Variants in NAV2 observed in about 807,000 individuals in gnomAD.
NAV2 encodes neuron navigator 2.
A neutral mutation model predicts 223.2 loss-of-function variants in NAV2; 54 were observed. The observed-to-expected ratio is 0.24, with a 90% confidence interval of 0.19 to 0.30. NAV2 has a LOEUF of 0.30. Ranked by LOEUF, NAV2 falls within the 10% of genes least tolerant of loss-of-function variation. The probability of loss-of-function intolerance (pLI) is 1.00; values close to 1 mark genes in which losing one functional copy is unlikely to be tolerated. For missense variants in NAV2, 2,806 were observed against 3,147.5 expected (o/e 0.89, Z 2.60); for synonymous variants, 1,279 against 1,239.3 (o/e 1.03, Z -0.67).
chr11:19,995,176 C>T (rs1378917122), intron 11 of NAV2, among the ~76,000 whole-genome samples: 2 of 152,192 alleles, frequency 1.3e-5, no homozygotes, highest in East Asian at 1.9e-4. Context: ...GTGTGGTCAG[C>T]CCAGCTGATC....
At chr11:19,477,583 C>T (rs1328419698) in intron 1 of NAV2, among the ~76,000 whole-genome samples, 3 of 152,136 alleles carry the variant, frequency 2.0e-5, no homozygotes, top group Non-Finnish European at 4.4e-5. Context: ...TTTCTCATCT[C>T]TAAAATGGAG....
In NAV2 at chr11:20,077,611, T is replaced by C; in HGVS notation, c.5043T>C (p.Ser1681=). 6.2e-7 allele frequency: 1 copy of C among 1,614,010 alleles called. No homozygotes were observed. Among genetic ancestry groups the C allele is most frequent in the South Asian group, 1.1e-5 (1 of 91,072 alleles). The change falls in exon 23 of 38, where the codon AGT becomes AGC. Residue 1681 remains serine (S), a synonymous_variant. Transcript: ENST00000349880. ...GTAACATGACAATCAGGCTCCAGAG[T>C]CTGACCATGACAGCTGAGCAGAAGG... ...SLGNMTIRLQ[S]LTMTAEQKDS... is the part of the protein sequence containing the mutation.
chr11:19,477,142 A>G (rs903033961), intron 1 of NAV2, among the ~76,000 whole-genome samples: 14 of 152,262 alleles, frequency 9.2e-5, no homozygotes, highest in African/African-American at 3.4e-4. Flanking sequence ...ACCCTTCCCA[A>G]GGTAAAGTCA....
intron 26 of NAV2, among the ~76,000 whole-genome samples, chr11:20,087,938 A>G (rs1439954888): frequency 1.3e-5 from 2 of 152,190 alleles, no homozygotes. Context: ...TTGTTTAGGT[A>G]TTCCATAAGC....
At chr11:19,970,416 G>A (rs951322653) in intron 10 of NAV2, among the ~76,000 whole-genome samples, 11 of 152,188 alleles carry the variant, frequency 7.2e-5, no homozygotes, top group Admixed American at 5.2e-4. Flanking sequence ...GGATCCATTT[G>A]CCTCAGCCTC....
At position 20,081,973 on chromosome 11, in the gene NAV2, G is replaced by T. The variant is rs192455658; in HGVS notation, c.5326-1034G>T. On this transcript the variant is annotated intron_variant, in intron 25 of 37. Transcript: ENST00000349880. ...GGTATCCATTTCCTGCAACAGAGGC[G>T]GGGGGGAAAGAATTTTCAGATCCAT... Among the ~76,000 whole-genome samples the T allele has an allele frequency of 9.3e-3, 1,418 of 151,832 alleles. 11 individuals are homozygous for T. The highest frequency in any genetic ancestry group is 0.014 in the Non-Finnish European group (952 of 67,930).
chr11:20,071,459 C>T (rs1418133252), intron 22 of NAV2, among the ~76,000 whole-genome samples: 1 of 152,100 alleles, frequency 6.6e-6, no homozygotes, highest in Non-Finnish European at 1.5e-5. Context: ...GATTTATAAT[C>T]CTTTGGGGGT....
At chr11:19,794,288 C>T (rs1195303410) in intron 1 of NAV2, among the ~76,000 whole-genome samples, 1 of 152,196 alleles carries the variant, frequency 6.6e-6, no homozygotes, top group Non-Finnish European at 1.5e-5. Context: ...TCCTCCTCCC[C>T]CTCAACTGTT....
At chr11:19,914,809 G>T (rs923430407) in intron 6 of NAV2, among the ~76,000 whole-genome samples, 12 of 152,132 alleles carry the variant, frequency 7.9e-5, no homozygotes, top group African/African-American at 2.7e-4. Context: ...CTCCCAAAGT[G>T]CTGGGATTAC....
At chr11:19,787,268 A>ATTTTTTTT (rs1565315820) in intron 1 of NAV2, among the ~76,000 whole-genome samples, 1 of 29,406 alleles carries the variant, frequency 3.4e-5, no homozygotes, top group African/African-American at 1.4e-4. Flanking sequence ...TTTTTATTGG[A>ATTTTTTTT]TCTTTTTTTT....
At chr11:19,625,486 C>A (rs1471427823) in intron 1 of NAV2, among the ~76,000 whole-genome samples, 1 of 152,100 alleles carries the variant, frequency 6.6e-6, no homozygotes, top group Admixed American at 6.5e-5. Flanking sequence ...CATAACTTAG[C>A]TATCATGGAC....
intron 1 of NAV2, among the ~76,000 whole-genome samples, chr11:19,519,168 C>T (rs1051543095): frequency 6.6e-6 from 1 of 152,158 alleles, no homozygotes; most frequent in Non-Finnish European, 1.5e-5. Flanking sequence ...CAAGAACAAC[C>T]ACTCAACTTC....
chr11:19,756,543 G>A lies in NAV2; in HGVS notation c.267+42581G>A, dbSNP rs774993998. The stretch of plus-strand genomic sequence containing the variant: ...AACCCCCAGGAATCTGATTGGCTCC[G>A]TGTTCTTTCTTTCTCACCCAGCTCC... On this transcript the variant is annotated intron_variant, in intron 1 of 37. Coordinates refer to ENST00000349880, the MANE Select transcript of NAV2 (RefSeq NM_145117.5). Among the ~76,000 whole-genome samples, 55 of 152,304 alleles carry A rather than the reference G, an allele frequency of 3.6e-4. 2 individuals are homozygous for A. Among genetic ancestry groups the A allele is most frequent in the Admixed American group, 3.0e-3 (46 of 15,302 alleles).
At chr11:19,980,813 C>G (rs2050224777) in intron 10 of NAV2, among the ~76,000 whole-genome samples, 1 of 151,992 alleles carries the variant, frequency 6.6e-6, no homozygotes, top group Non-Finnish European at 1.5e-5. Context: ...GTTTGTAAAT[C>G]ATTGTAATTG....
At chr11:19,482,249 A>G (rs1003893778) in intron 1 of NAV2, among the ~76,000 whole-genome samples, 10 of 152,266 alleles carry the variant, frequency 6.6e-5, no homozygotes, top group African/African-American at 2.4e-4. Context: ...TACGTTCCCT[A>G]CAAAAAGGAA....
chr11:19,593,582 T>C (rs1418905402), intron 1 of NAV2, among the ~76,000 whole-genome samples: 1 of 152,226 alleles, frequency 6.6e-6, no homozygotes, highest in Non-Finnish European at 1.5e-5. Context: ...TTGAGTTACA[T>C]GGTTAGTATA....
intron 1 of NAV2, among the ~76,000 whole-genome samples, chr11:19,510,174 G>A (rs192190702): frequency 6.6e-6 from 1 of 152,348 alleles, no homozygotes; most frequent in African/African-American, 2.4e-5. Flanking sequence ...GTGGATCTGT[G>A]AGGGGATGAG....
At chr11:19,873,221 G>C (rs749057721) in intron 4 of NAV2, among the ~76,000 whole-genome samples, 2 of 152,150 alleles carry the variant, frequency 1.3e-5, no homozygotes, top group Non-Finnish European at 2.9e-5. Flanking sequence ...CAGTGATCAA[G>C]CCAGTCATAT....
intron 6 of NAV2, among the ~76,000 whole-genome samples, chr11:19,898,579 C>T (rs2042191506): frequency 6.6e-6 from 1 of 152,136 alleles, no homozygotes; most frequent in Non-Finnish European, 1.5e-5. Context: ...ACCACAATAT[C>T]GTTTAATCAC....
Sources: allele counts gnomAD v4.1 joint callset (sites outside exome capture counted in the v4.1 genomes callset), GRCh38; gene constraint gnomAD v4.1.1; transcripts MANE v1.5; gene names NCBI Gene and HGNC (gene_info 2026-07-23, HGNC 2026-07-21).